Variants in ABI3BP observed in about 807,000 individuals in gnomAD.
ABI3BP encodes the protein ABI family member 3 binding protein.
In ABI3BP, 216 loss-of-function variants were observed where a neutral mutation model predicts 268.6. That is an observed-to-expected ratio of 0.80 (90% confidence interval 0.72 to 0.90). The LOEUF (loss-of-function observed/expected upper bound fraction) is 0.90. Ranked by LOEUF, ABI3BP falls within the 40% of genes least tolerant of loss-of-function variation. ABI3BP has a pLI of 0.00. For synonymous variants in ABI3BP, 730 were observed against 730.0 expected (o/e 1.00, Z 0.00); for missense variants, 2,090 against 2,182.4 (o/e 0.96, Z 0.84).
At chr3:100,922,256 T>C in intron 2 of ABI3BP, among the ~76,000 whole-genome samples, 1 of 152,140 alleles carries the variant, frequency 6.6e-6, no homozygotes, top group East Asian at 1.9e-4. Flanking sequence ...GGGGATTGAA[T>C]AGAGATGCAA....
intron 2 of ABI3BP, among the ~76,000 whole-genome samples, chr3:100,914,226 T>G (rs1048978597): frequency 6.6e-6 from 1 of 152,250 alleles, no homozygotes; most frequent in African/African-American, 2.4e-5. Context: ...GAGCAAATTT[T>G]AAAGCAAATC....
At position 100,829,682 on chromosome 3, in the gene ABI3BP, C is replaced by T. The variant is rs907206994; in HGVS notation, c.2459-18G>A. The T allele has an allele frequency of 6.6e-7, 1 of 1,515,702 alleles. No individual in the cohort carries two copies. Among genetic ancestry groups the T allele is most frequent in the Admixed American group, 2.0e-5 (1 of 50,944 alleles). 93.9% of individuals were successfully genotyped at this position (1,515,702 alleles called of 1,614,324 possible). A position where few individuals can be genotyped will look rare whatever the true frequency, so the allele number is the denominator to read the frequency against. The stretch of plus-strand genomic sequence containing the variant: ...TTTGGGAGCTAAAGGAAGAAAACTT[C>T]AGGTTAATACAGCGTGTTTGGTTCC... On this transcript the variant is annotated intron_variant, in intron 32 of 67. Transcript: ENST00000471714.
At chr3:100,753,258 C>T (rs2095433764) in intron 65 of ABI3BP, among the ~76,000 whole-genome samples, 1 of 151,054 alleles carries the variant, frequency 6.6e-6, no homozygotes, top group South Asian at 2.1e-4. Context: ...TAGACAACTG[C>T]TTTAATATGA....
At chr3:100,818,223 G>A (rs935488104) in intron 41 of ABI3BP, among the ~76,000 whole-genome samples, 3 of 152,182 alleles carry the variant, frequency 2.0e-5, no homozygotes, top group Admixed American at 6.5e-5. Context: ...GCATAAATAA[G>A]GGATAGAGAT....
intron 1 of ABI3BP, among the ~76,000 whole-genome samples, chr3:100,964,376 C>A (rs1291844090): frequency 6.6e-6 from 1 of 152,184 alleles, no homozygotes; most frequent in Non-Finnish European, 1.5e-5. Flanking sequence ...AAATCAGACA[C>A]CACTTCCTCA....
chr3:100,839,229 A>C (rs2098655324), intron 24 of ABI3BP, among the ~76,000 whole-genome samples: 1 of 152,222 alleles, frequency 6.6e-6, no homozygotes, highest in Admixed American at 6.5e-5. Context: ...CACTGGAGTA[A>C]AATTTTGCCA....
At chr3:100,817,668 C>A (rs1450338817) in intron 41 of ABI3BP, among the ~76,000 whole-genome samples, 173 bp from the exon 42 acceptor site, 2 of 152,178 alleles carry the variant, frequency 1.3e-5, no homozygotes, top group Non-Finnish European at 2.9e-5. Flanking sequence ...GCATTGCACT[C>A]AGCTTAATAT....
At chr3:100,961,849 C>T (rs1029787436) in intron 1 of ABI3BP, among the ~76,000 whole-genome samples, 2 of 152,146 alleles carry the variant, frequency 1.3e-5, no homozygotes, top group African/African-American at 4.8e-5. Context: ...AAACTAGCAG[C>T]CTCTTCCATG....
chr3:100,983,539 C>T (rs1404339750), intron 1 of ABI3BP, among the ~76,000 whole-genome samples: 4 of 152,120 alleles, frequency 2.6e-5, no homozygotes, highest in Non-Finnish European at 5.9e-5. Context: ...AAAGCCAGTA[C>T]ATGGCAACAC....
At chr3:100,938,928 G>A (rs916100050) in intron 1 of ABI3BP, among the ~76,000 whole-genome samples, 3 of 152,028 alleles carry the variant, frequency 2.0e-5, no homozygotes, top group African/African-American at 7.2e-5. Context: ...GACGTTGTTG[G>A]GGGGGCATGT....
chr3:100,886,495 G>T (rs1301476309), intron 4 of ABI3BP, among the ~76,000 whole-genome samples, 172 bp from the exon 5 acceptor site: 2 of 151,998 alleles, frequency 1.3e-5, no homozygotes, highest in Non-Finnish European at 2.9e-5. Context: ...AGCTCAACGT[G>T]TGCTTAGGTT....
chr3:100,821,217 A>G (rs2098210704), intron 38 of ABI3BP, 104 bp from the exon 39 acceptor site: 2 of 953,018 alleles, frequency 2.1e-6, no homozygotes, highest in Non-Finnish European at 3.1e-6. Context: ...AGCTTATAGA[A>G]TTATATAGCA....
intron 2 of ABI3BP, among the ~76,000 whole-genome samples, chr3:100,909,038 T>C (rs1582988934): frequency 6.6e-6 from 1 of 152,182 alleles, no homozygotes; most frequent in Admixed American, 6.5e-5. Flanking sequence ...CAAAACAGCA[T>C]GGTACTGGTA....
Position 100,817,451 on chromosome 3 carries a change from G to A in ABI3BP, c.3133C>T (p.Pro1045Ser). Residue 1045 changes from proline (P) to serine (S), a missense_variant, in exon 42 of 68, where the codon CCA (proline) becomes TCA (serine). Pro to Ser is a moderately conservative substitution (Grantham distance 74). Coordinates refer to ENST00000471714, the MANE Select transcript of ABI3BP (RefSeq NM_001375547.2). ...ATATCATTACCTAACGTTGTTTCTG[G>A]AAACTTGGTTCTAAAAGTGTCAGGT... The part of the protein sequence containing the change: ...LEPDTFRTKF[P>S]ETTLAPKTQR... 6.6e-7 allele frequency: 1 copy of A among 1,511,538 alleles called. No individual in the cohort carries two copies. The highest frequency in any genetic ancestry group is 1.3e-5 in the South Asian group (1 of 79,830). 93.6% of individuals were successfully genotyped at this position (1,511,538 alleles called of 1,614,324 possible).
chr3:100,763,896 A>T (rs934718935), intron 63 of ABI3BP, among the ~76,000 whole-genome samples: 7 of 152,258 alleles, frequency 4.6e-5, no homozygotes, highest in Admixed American at 1.3e-4. Context: ...AAAAGTGATT[A>T]TTCCGACTAA....
chr3:100,896,986 G>C (rs1353894990), intron 4 of ABI3BP, among the ~76,000 whole-genome samples: 1 of 152,130 alleles, frequency 6.6e-6, no homozygotes, highest in Non-Finnish European at 1.5e-5. Flanking sequence ...GATGAAAGGT[G>C]ATTTTGAGAA....
chr3:100,817,158 G>A (rs2098079906), intron 42 of ABI3BP, among the ~76,000 whole-genome samples: 1 of 152,160 alleles, frequency 6.6e-6, no homozygotes, highest in Non-Finnish European at 1.5e-5. Context: ...AGACATGAGT[G>A]ACATGAATGC....
chr3:100,779,052 A>G (rs1007606699), intron 58 of ABI3BP, among the ~76,000 whole-genome samples: 1 of 152,198 alleles, frequency 6.6e-6, no homozygotes, highest in Non-Finnish European at 1.5e-5. Context: ...TTGAGCCTAC[A>G]ATTTCTTATA....
At chr3:100,865,035 T>C in intron 10 of ABI3BP, 128 bp from the exon 11 acceptor site, 2 of 727,808 alleles carry the variant, frequency 2.7e-6, no homozygotes, top group Non-Finnish European at 4.6e-6. Flanking sequence ...TTTGTGTTAC[T>C]ATGTAAAGAG....
Sources: allele counts gnomAD v4.1 joint callset (sites outside exome capture counted in the v4.1 genomes callset), GRCh38; gene constraint gnomAD v4.1.1; transcripts MANE v1.5; gene names NCBI Gene and HGNC (gene_info 2026-07-23, HGNC 2026-07-21).